The following DLG2 variants were observed in gnomAD, a reference collection of about 807,000 sequenced individuals.
DLG2 encodes disks large homolog 2.
A neutral mutation model predicts 132.5 loss-of-function variants in DLG2; 45 were observed. The ratio of observed to expected loss-of-function variants is 0.34; its 90% confidence interval spans 0.27 to 0.44. DLG2 has a LOEUF of 0.44. Ranked by LOEUF, DLG2 falls within the 20% of genes least tolerant of loss-of-function variation. The pLI is 1.00. For missense variants in DLG2, 1,045 were observed against 1,196.9 expected, an observed-to-expected ratio of 0.87 and a Z score of 1.87; for synonymous variants, 424 against 419.6, an observed-to-expected ratio of 1.01 and a Z score of -0.13.
intron 2 of DLG2, among the ~76,000 whole-genome samples, chr11:85,616,499 C>T (rs567682014): frequency 1.3e-5 from 2 of 152,140 alleles, no homozygotes; most frequent in African/African-American, 2.4e-5. Flanking sequence ...CTCATTCCAG[C>T]GACAACTGGT....
intron 3 of DLG2, among the ~76,000 whole-genome samples, chr11:85,408,499 A>T (rs930148429): frequency 1.1e-4 from 17 of 148,578 alleles, no homozygotes; most frequent in Admixed American, 1.1e-3. Flanking sequence ...GCACCCACTA[A>T]CTCGTCATCT....
chr11:84,442,179 G>C (rs2099019248), intron 7 of DLG2, among the ~76,000 whole-genome samples: 1 of 152,104 alleles, frequency 6.6e-6, no homozygotes, highest in African/African-American at 2.4e-5. Flanking sequence ...GCTTGATGGG[G>C]ATAGCATTGA....
At chr11:84,030,236 A>G (rs1460107781) in intron 11 of DLG2, among the ~76,000 whole-genome samples, 1 of 152,150 alleles carries the variant, frequency 6.6e-6, no homozygotes, top group African/African-American at 2.4e-5. Context: ...ACAGGTAGAC[A>G]CTATTATTAC....
chr11:84,580,759 C>A (rs991592852), intron 6 of DLG2, among the ~76,000 whole-genome samples: 1 of 152,198 alleles, frequency 6.6e-6, no homozygotes, highest in Non-Finnish European at 1.5e-5. Flanking sequence ...CAATTTCATC[C>A]TTACCCTACG....
intron 7 of DLG2, among the ~76,000 whole-genome samples, chr11:84,532,785 T>G (rs60727569): frequency 0.014 from 2,147 of 152,270 alleles, 44 homozygotes; most frequent in African/African-American, 0.048. Context: ...TGCGGGCCAC[T>G]GTGCTTGATC....
At chr11:84,543,278 G>C (rs1210669079) in intron 6 of DLG2, among the ~76,000 whole-genome samples, 1 of 152,024 alleles carries the variant, frequency 6.6e-6, no homozygotes, top group African/African-American at 2.4e-5. Context: ...TTTCAGATAG[G>C]AGAAAAATGG....
intron 3 of DLG2, among the ~76,000 whole-genome samples, chr11:85,510,581 TC>T (rs1441570336): frequency 4.3e-4 from 66 of 152,212 alleles, no homozygotes; most frequent in African/African-American, 1.4e-3. Context: ...CAGACACTTC[TC>T]AAAAGAAGAC....
intron 6 of DLG2, among the ~76,000 whole-genome samples, chr11:84,576,123 C>T (rs888658554): frequency 2.0e-5 from 3 of 152,156 alleles, no homozygotes; most frequent in East Asian, 1.9e-4. Flanking sequence ...TAGCACTTTT[C>T]CTGCAAGCTT....
At position 85,567,176 on chromosome 11, in the gene DLG2, G is replaced by A. The variant is rs573204186; in HGVS notation, c.40+31481C>T. Among the ~76,000 whole-genome samples the A allele has an allele frequency of 6.6e-4, 100 of 152,154 alleles. 1 individual carries two copies. The highest frequency in any genetic ancestry group is 2.2e-3 in the African/African-American group (93 of 41,510). ...TTGAGACGCCCTCATAATTTTGTAC[G>A]AATTTTAGAATCAGCTTTTTCACTT... On this transcript the variant is annotated intron_variant, in intron 3 of 27. Coordinates refer to ENST00000376104, the MANE Select transcript of DLG2 (RefSeq NM_001142699.3).
At chr11:84,627,506 A>G (rs184263214) in intron 6 of DLG2, among the ~76,000 whole-genome samples, 60 of 152,318 alleles carry the variant, frequency 3.9e-4, no homozygotes, top group Middle Eastern at 3.4e-3. Flanking sequence ...ATTCTCCCCC[A>G]GAGTACTGCA....
intron 3 of DLG2, among the ~76,000 whole-genome samples, chr11:85,441,921 A>C (rs774505519): frequency 6.6e-6 from 1 of 152,156 alleles, no homozygotes; most frequent in African/African-American, 2.4e-5. Flanking sequence ...AGGATAGCTA[A>C]GTAGTCTTGG....
chr11:83,773,112 G>A (rs895206906), intron 18 of DLG2, among the ~76,000 whole-genome samples: 1 of 152,174 alleles, frequency 6.6e-6, no homozygotes, highest in Non-Finnish European at 1.5e-5. Context: ...TTATTATTTG[G>A]ATAATAAAAT....
At chr11:83,554,161 G>C (rs59689166) in intron 19 of DLG2, among the ~76,000 whole-genome samples, 363 of 152,162 alleles carry the variant, frequency 2.4e-3, no homozygotes, top group African/African-American at 8.5e-3. Flanking sequence ...TGGGATTACA[G>C]GAATGAACCA....
intron 5 of DLG2, among the ~76,000 whole-genome samples, chr11:85,143,947 T>C (rs1010110141): frequency 4.0e-5 from 6 of 151,870 alleles, no homozygotes; most frequent in African/African-American, 1.4e-4. Flanking sequence ...GCCCATTTGG[T>C]TGACAGTGTA....
intron 6 of DLG2, among the ~76,000 whole-genome samples, chr11:84,991,726 G>T (rs764967316): frequency 1.3e-5 from 2 of 152,030 alleles, no homozygotes; most frequent in Non-Finnish European, 2.9e-5. Flanking sequence ...TTTACATGAT[G>T]TTACTATTGC....
At chr11:84,610,458 A>T (rs183941626) in intron 6 of DLG2, among the ~76,000 whole-genome samples, 10 of 152,280 alleles carry the variant, frequency 6.6e-5, no homozygotes, top group Non-Finnish European at 1.5e-5. Context: ...AGGTCATAAA[A>T]GGTTCCAGAT....
chr11:84,593,206 A>G, intron 6 of DLG2, among the ~76,000 whole-genome samples: 1 of 152,136 alleles, frequency 6.6e-6, no homozygotes, highest in Middle Eastern at 3.2e-3. Context: ...GGCAGTGTAA[A>G]TTAGTTCAAA....
intron 3 of DLG2, among the ~76,000 whole-genome samples, chr11:85,347,775 G>T (rs1343185359): frequency 1.3e-5 from 2 of 150,060 alleles, no homozygotes; most frequent in African/African-American, 2.5e-5. Flanking sequence ...CCTATCAAGG[G>T]CATGGTACAC....
intron 21 of DLG2, among the ~76,000 whole-genome samples, chr11:83,484,973 T>C (rs2137594893): frequency 6.6e-6 from 1 of 152,220 alleles, no homozygotes; most frequent in Middle Eastern, 3.4e-3. Context: ...AGAAGTTGTG[T>C]CCTATACTGC....
Sources: gnomAD v4.1 joint callset for allele counts (sites outside exome capture counted in the v4.1 genomes callset) on GRCh38, gnomAD v4.1.1 for gene constraint, MANE v1.5 for transcripts, NCBI Gene and HGNC (gene_info 2026-07-23, HGNC 2026-07-21) for gene names.